Variants in KCNH5 observed in about 807,000 individuals in gnomAD.
KCNH5 encodes voltage-gated delayed rectifier potassium channel KCNH5.
Under a neutral mutation model 96.1 loss-of-function variants are expected in KCNH5, and 46 were observed. The ratio of observed to expected loss-of-function variants is 0.48; its 90% confidence interval spans 0.38 to 0.61. The LOEUF (loss-of-function observed/expected upper bound fraction) is 0.61. KCNH5 is among the 20% of genes least tolerant of loss of function. The pLI, the probability that KCNH5 is intolerant of heterozygous loss-of-function variation, is 0.00. For missense variants in KCNH5, 907 were observed against 1,225.8 expected (o/e 0.74, Z 3.88); for synonymous variants, 439 against 449.8 (o/e 0.98, Z 0.30).
intron 8 of KCNH5, among the ~76,000 whole-genome samples, chr14:62,817,697 C>A (rs1181288043): frequency 1.2e-4 from 18 of 145,080 alleles, no homozygotes; most frequent in Non-Finnish European, 2.0e-4. Flanking sequence ...GGAATATATT[C>A]TATATAATAA....
intron 7 of KCNH5, among the ~76,000 whole-genome samples, chr14:62,878,865 T>A (rs1397607791): frequency 6.6e-6 from 1 of 152,152 alleles, no homozygotes; most frequent in Non-Finnish European, 1.5e-5. Context: ...TCTGTGTATA[T>A]CTGTGTCCGA....
At chr14:62,943,671 A>G (rs1889832273) in intron 7 of KCNH5, among the ~76,000 whole-genome samples, 2 of 152,276 alleles carry the variant, frequency 1.3e-5, no homozygotes, top group South Asian at 4.1e-4. Context: ...AATTTTGTGA[A>G]TGTCAGCAGA....
At chr14:62,808,870 A>C (rs924951265) in intron 8 of KCNH5, among the ~76,000 whole-genome samples, 1 of 152,086 alleles carries the variant, frequency 6.6e-6, no homozygotes, top group East Asian at 1.9e-4. Flanking sequence ...AATCCTCTTT[A>C]GAAGGTGGTT....
chr14:62,883,095 C>T (rs1888526124), intron 7 of KCNH5, among the ~76,000 whole-genome samples: 2 of 152,188 alleles, frequency 1.3e-5, no homozygotes, highest in Admixed American at 1.3e-4. Flanking sequence ...TTAATTAGTA[C>T]TTACTCTTCT....
At chr14:62,818,658 G>A (rs1267292718) in intron 8 of KCNH5, among the ~76,000 whole-genome samples, 5 of 151,966 alleles carry the variant, frequency 3.3e-5, no homozygotes, top group East Asian at 1.9e-4. Context: ...ATCAAACCAC[G>A]TCTTAGGTAT....
At chr14:62,837,579 A>G (rs527495361) in intron 8 of KCNH5, among the ~76,000 whole-genome samples, 25 of 152,326 alleles carry the variant, frequency 1.6e-4, no homozygotes, top group African/African-American at 6.0e-4. Flanking sequence ...TCTAACAGAA[A>G]ACTTAAATGA....
intron 8 of KCNH5, among the ~76,000 whole-genome samples, chr14:62,832,039 T>C (rs1165908331): frequency 6.6e-6 from 1 of 152,174 alleles, no homozygotes; most frequent in Non-Finnish European, 1.5e-5. Flanking sequence ...ATAGTTACAT[T>C]TATCGATATT....
intron 1 of KCNH5, among the ~76,000 whole-genome samples, chr14:63,035,879 AG>A (rs1891712428): frequency 6.6e-6 from 1 of 152,176 alleles, no homozygotes; most frequent in Non-Finnish European, 1.5e-5. Context: ...AAATCTTCTG[AG>A]CAACCCTGTA....
At chr14:62,817,030 C>A (rs1886993151) in intron 8 of KCNH5, among the ~76,000 whole-genome samples, 1 of 142,166 alleles carries the variant, frequency 7.0e-6, no homozygotes, top group Non-Finnish European at 1.5e-5. Context: ...TTATTTTGTT[C>A]ACGTATTACT....
chr14:62,954,448 T>C (rs1233553791), intron 6 of KCNH5, among the ~76,000 whole-genome samples: 1 of 152,198 alleles, frequency 6.6e-6, no homozygotes. Context: ...AGCTGGCATA[T>C]GGTAATATGT....
chr14:62,791,918 T>TTTA lies in KCNH5; in HGVS notation c.1822+10408_1822+10410dup, dbSNP rs1172935374. On this transcript the variant is annotated intron_variant, in intron 9 of 10. Coordinates refer to ENST00000322893, the MANE Select transcript of KCNH5 (RefSeq NM_139318.5). Reference sequence around the variant, plus strand: ...TCGACTTGAACTGTATTCATTTTTATTTATTAGTTGGCCCTTCACTATAAG... The same window carrying TTTA: ...TCGACTTGAACTGTATTCATTTTTATTTATTATTAGTTGGCCCTTCACTATAAG... Among the ~76,000 whole-genome samples the TTTA allele has an allele frequency of 4.6e-5, 7 of 151,750 alleles. No individual in the cohort carries two copies. In the East Asian group the frequency reaches 1.4e-3, roughly 29 times the overall value.
chr14:62,820,408 G>A (rs943159987), intron 8 of KCNH5, among the ~76,000 whole-genome samples: 5 of 151,158 alleles, frequency 3.3e-5, no homozygotes, highest in South Asian at 2.1e-4. Context: ...GTGCAGTGGG[G>A]GTTTGTTGTA....
At chr14:62,991,597 G>A (rs1594663163) in intron 4 of KCNH5, among the ~76,000 whole-genome samples, 4 of 151,976 alleles carry the variant, frequency 2.6e-5, no homozygotes, top group Admixed American at 1.3e-4. Context: ...TCAATGCAAA[G>A]CAAATGAATG....
intron 10 of KCNH5, among the ~76,000 whole-genome samples, chr14:62,737,866 T>C (rs1162398455): frequency 1.3e-5 from 2 of 151,940 alleles, no homozygotes; most frequent in African/African-American, 4.8e-5. Context: ...CAAAATAGAG[T>C]AGTCTCTCCT....
Position 62,707,471 on chromosome 14 carries a change from C to CAGTATATACATA in KCNH5, c.*36_*37insTATGTATATACT. ...CTGTATATACACACATATGTATATA[C>CAGTATATACATA]TGTTTTAATATATTAACAAATATAT... is the stretch of plus-strand genomic sequence containing the variant. On this transcript the variant is annotated 3_prime_UTR_variant, in exon 11 of 11. Transcript: ENST00000322893. 1 of 1,071,378 alleles carries CAGTATATACATA rather than the reference C, an allele frequency of 9.3e-7. No homozygotes were observed. Among genetic ancestry groups the CAGTATATACATA allele is most frequent in the Non-Finnish European group, 1.2e-6 (1 of 805,870 alleles). The allele number at this position is 1,071,378 out of a possible 1,614,324, so 66.4% of individuals were successfully genotyped here.
chr14:63,007,387 T>C (rs1459264085), intron 2 of KCNH5, among the ~76,000 whole-genome samples: 2 of 152,194 alleles, frequency 1.3e-5, no homozygotes, highest in Non-Finnish European at 2.9e-5. Flanking sequence ...TACAGAAAGT[T>C]ACATTCTGAA....
chr14:62,960,739 T>C (rs535010267), intron 6 of KCNH5, among the ~76,000 whole-genome samples: 1 of 152,306 alleles, frequency 6.6e-6, no homozygotes, highest in African/African-American at 2.4e-5. Flanking sequence ...TTACATTGCT[T>C]TTTCCTATTC....
chr14:63,012,106 C>A (rs1891239976), intron 2 of KCNH5, among the ~76,000 whole-genome samples: 2 of 152,160 alleles, frequency 1.3e-5, no homozygotes, highest in South Asian at 4.1e-4. Context: ...TAAAGTGGTT[C>A]CTACCTAATC....
At position 62,714,796 on chromosome 14, in the gene KCNH5, C is replaced by T. The variant is rs574206552; in HGVS notation, c.2020-6341G>A. Among the ~76,000 whole-genome samples the T allele has an allele frequency of 9.3e-4, 141 of 152,258 alleles. 2 individuals carry two copies. Among genetic ancestry groups the T allele is most frequent in the Non-Finnish European group, 4.3e-4 (29 of 68,010 alleles). ...AAAACCTAATATTTGGTTTTATTCT[C>T]AGTATTAAAAACCTAGACCCTTTTT... On this transcript the variant is annotated intron_variant, in intron 10 of 10. Coordinates refer to ENST00000322893, the MANE Select transcript of KCNH5 (RefSeq NM_139318.5).
Sources: allele counts gnomAD v4.1 joint callset (sites outside exome capture counted in the v4.1 genomes callset), GRCh38; gene constraint gnomAD v4.1.1; transcripts MANE v1.5; gene names NCBI Gene and HGNC (gene_info 2026-07-23, HGNC 2026-07-21).